Variants in TMEM178B observed in about 807,000 individuals in gnomAD.
TMEM178B encodes the protein transmembrane protein 178B.
In TMEM178B, 5 loss-of-function variants were observed where a neutral mutation model predicts 31.0. That is an observed-to-expected ratio of 0.16 (90% confidence interval 0.08 to 0.34). The LOEUF (loss-of-function observed/expected upper bound fraction) is 0.34, where lower values mean the gene tolerates loss of function less well. Ranked by LOEUF, TMEM178B falls within the 10% of genes least tolerant of loss-of-function variation. The probability of loss-of-function intolerance (pLI) is 1.00; values close to 1 mark genes in which losing one functional copy is unlikely to be tolerated. For missense variants in TMEM178B, 275 were observed against 400.3 expected (o/e 0.69, Z 2.67); for synonymous variants, 164 against 164.0 (o/e 1.00, Z 0.00).
chr7:141,362,247 T>C (rs1799929229), intron 2 of TMEM178B, among the ~76,000 whole-genome samples: 1 of 152,222 alleles, frequency 6.6e-6, no homozygotes, highest in African/African-American at 2.4e-5. Context: ...GTAGGCCCTT[T>C]ACTTTGTATT....
chr7:141,339,842 T>C (rs1369826601), intron 2 of TMEM178B, among the ~76,000 whole-genome samples: 1 of 152,250 alleles, frequency 6.6e-6, no homozygotes, highest in African/African-American at 2.4e-5. Context: ...AAACATTTGC[T>C]GTCAGCCTGG....
intron 1 of TMEM178B, among the ~76,000 whole-genome samples, chr7:141,083,540 C>CA (rs940747360): frequency 1.3e-5 from 2 of 151,310 alleles, no homozygotes; most frequent in African/African-American, 4.9e-5. Flanking sequence ...ATGTGAGAGA[C>CA]AAAGCAATTT....
intron 2 of TMEM178B, among the ~76,000 whole-genome samples, chr7:141,310,338 A>T (rs993600712): frequency 2.0e-5 from 3 of 152,242 alleles, no homozygotes; most frequent in South Asian, 2.1e-4. Context: ...GTCATCACTG[A>T]TCATTAGAGA....
intron 2 of TMEM178B, among the ~76,000 whole-genome samples, chr7:141,289,421 A>G (rs538085932): frequency 1.3e-5 from 2 of 152,324 alleles, no homozygotes; most frequent in East Asian, 3.9e-4. Flanking sequence ...GCTTGACTTG[A>G]AAAGGAGAAT....
At chr7:141,164,334 CAGAAAAAACCT>C (rs1417893712) in intron 1 of TMEM178B, among the ~76,000 whole-genome samples, 1 of 152,126 alleles carries the variant, frequency 6.6e-6, no homozygotes, top group Admixed American at 6.5e-5. Flanking sequence ...GTGTGACAAT[CAGAAAAAACCT>C]GCATTGCAGT....
intron 2 of TMEM178B, among the ~76,000 whole-genome samples, chr7:141,329,084 G>C (rs1018314394): frequency 1.3e-5 from 2 of 152,098 alleles, no homozygotes; most frequent in Non-Finnish European, 2.9e-5. Context: ...TGAAACCTTG[G>C]AATGGGAGGC....
chr7:141,116,460 C>G (rs371619550), intron 1 of TMEM178B, among the ~76,000 whole-genome samples: 1 of 151,588 alleles, frequency 6.6e-6, no homozygotes, highest in South Asian at 2.1e-4. Context: ...ATTTCTTTGA[C>G]TATTAAATTC....
intron 2 of TMEM178B, among the ~76,000 whole-genome samples, chr7:141,309,051 G>T (rs978504941): frequency 6.6e-6 from 1 of 152,084 alleles, no homozygotes; most frequent in East Asian, 1.9e-4. Flanking sequence ...GCTTTATTTT[G>T]TTGTCAGGAA....
At chr7:141,334,226 G>T (rs1156932318) in intron 2 of TMEM178B, among the ~76,000 whole-genome samples, 1 of 152,206 alleles carries the variant, frequency 6.6e-6, no homozygotes, top group Non-Finnish European at 1.5e-5. Flanking sequence ...ATAGGGTTTT[G>T]GTCAGACCGA....
the TMEM178B span, among the ~76,000 whole-genome samples, chr7:141,510,270 T>G: frequency 6.6e-6 from 1 of 152,134 alleles, no homozygotes; most frequent in Non-Finnish European, 1.5e-5. Flanking sequence ...TGTGTAGTTG[T>G]TCCAGAAAGC....
intron 1 of TMEM178B, among the ~76,000 whole-genome samples, chr7:141,181,305 A>G (rs920992442): frequency 4.6e-5 from 7 of 152,230 alleles, no homozygotes; most frequent in Non-Finnish European, 1.0e-4. Context: ...GCTAAAACTC[A>G]TGATAAAGTA....
At chr7:141,257,686 G>A (rs188492618) in intron 2 of TMEM178B, among the ~76,000 whole-genome samples, 78 of 152,268 alleles carry the variant, frequency 5.1e-4, no homozygotes, top group Middle Eastern at 3.4e-3. Flanking sequence ...GGGGAGGCAA[G>A]GCAGCTAGGC....
intron 3 of TMEM178B, among the ~76,000 whole-genome samples, chr7:141,464,998 C>T (rs1802125683): frequency 6.6e-6 from 1 of 152,180 alleles, no homozygotes; most frequent in African/African-American, 2.4e-5. Flanking sequence ...GCCCAAACCC[C>T]AATTCATAGT....
intron 1 of TMEM178B, among the ~76,000 whole-genome samples, chr7:141,200,051 A>G (rs2129186136): frequency 6.7e-6 from 1 of 149,892 alleles, no homozygotes; most frequent in Non-Finnish European, 1.5e-5. Flanking sequence ...ACTCTGTCTC[A>G]AAAAAAAAAT....
intron 1 of TMEM178B, among the ~76,000 whole-genome samples, chr7:141,157,109 T>C (rs1796083123): frequency 6.6e-6 from 1 of 152,126 alleles, no homozygotes; most frequent in Admixed American, 6.5e-5. Flanking sequence ...TCTGGAGGCC[T>C]GGGGGAGCTG....
At chr7:141,328,168 T>G (rs1016535129) in intron 2 of TMEM178B, among the ~76,000 whole-genome samples, 1 of 152,230 alleles carries the variant, frequency 6.6e-6, no homozygotes, top group Non-Finnish European at 1.5e-5. Context: ...ATGTATCTAT[T>G]TTCCTTTCTG....
intron 2 of TMEM178B, among the ~76,000 whole-genome samples, chr7:141,354,689 A>G (rs140433150): frequency 1.4e-4 from 22 of 152,256 alleles, no homozygotes; most frequent in African/African-American, 5.3e-4. Context: ...ATAGTGGCCC[A>G]TCTTTATGTC....
intron 1 of TMEM178B, among the ~76,000 whole-genome samples, chr7:141,209,751 C>T (rs774952737): frequency 9.7e-4 from 147 of 152,140 alleles, no homozygotes; most frequent in Middle Eastern, 3.4e-3. Context: ...GCAAGGAAGG[C>T]TTTGCTGAGG....
At chr7:141,220,339 A>G (rs1797235922) in intron 2 of TMEM178B, among the ~76,000 whole-genome samples, 1 of 141,620 alleles carries the variant, frequency 7.1e-6, no homozygotes, top group East Asian at 2.0e-4. Context: ...TAATAATAAT[A>G]ATAATAATAA....
Sources: allele counts gnomAD v4.1 joint callset (sites outside exome capture counted in the v4.1 genomes callset), GRCh38; gene constraint gnomAD v4.1.1; transcripts MANE v1.5; gene names NCBI Gene and HGNC (gene_info 2026-07-23, HGNC 2026-07-21).